PKD2L1: variants seen among roughly 807,000 people sequenced by gnomAD.
PKD2L1 encodes polycystin 2 like 1, transient receptor potential cation channel, also known as polycystin-2-like protein 1.
A neutral mutation model predicts 93.0 loss-of-function variants in PKD2L1; 77 were observed. That is an observed-to-expected ratio of 0.83 (90% CI 0.69 to 1.00). PKD2L1 has a LOEUF of 1.00. Ranked by LOEUF, PKD2L1 falls within the 50% of genes least tolerant of loss-of-function variation. The probability of loss-of-function intolerance (pLI) is 0.00; values close to 1 mark genes in which losing one functional copy is unlikely to be tolerated. For synonymous variants in PKD2L1, 390 were observed against 388.0 expected (o/e 1.01, Z -0.06); for missense variants, 977 against 990.9 (o/e 0.99, Z 0.19).
At chr10:100,306,473 G>A (rs775373757) in intron 2 of PKD2L1, among the ~76,000 whole-genome samples, 6 of 152,122 alleles carry the variant, frequency 3.9e-5, no homozygotes, top group Non-Finnish European at 8.8e-5. Context: ...TCCCACTCCA[G>A]GGGAAAATCA....
chr10:100,289,564 T>A (rs1383373805), intron 14 of PKD2L1, among the ~76,000 whole-genome samples: 1 of 151,330 alleles, frequency 6.6e-6, no homozygotes, highest in Admixed American at 6.6e-5. Flanking sequence ...ATAAATAAAA[T>A]AAAAAAATAA....
intron 4 of PKD2L1, 76 bp from the exon 5 acceptor site, chr10:100,297,682 G>C: frequency 1.0e-6 from 1 of 991,172 alleles, no homozygotes; most frequent in South Asian, 1.4e-5. Context: ...ATCATTGTCT[G>C]GGCTTTACAG....
At chr10:100,298,057 C>G (rs1309457366) in intron 4 of PKD2L1, among the ~76,000 whole-genome samples, 1 of 152,164 alleles carries the variant, frequency 6.6e-6, no homozygotes, top group Admixed American at 6.5e-5. Context: ...GCACATCAGG[C>G]TCCTTCACCC....
rs558666185 is a variant in PKD2L1 at position 100,313,838 on chromosome 10, G to T, written c.350-14120C>A. Among the ~76,000 whole-genome samples the T allele has an allele frequency of 2.0e-5, 3 of 152,190 alleles. No homozygotes were observed. In the South Asian group the frequency reaches 6.2e-4, roughly 32 times the overall value. Reference sequence around the variant, plus strand: ...TAAAGGCCATCCAAGAAGACTTTACGCAGACAGATTTGGTCACCCCAGAGA... The same window carrying T: ...TAAAGGCCATCCAAGAAGACTTTACTCAGACAGATTTGGTCACCCCAGAGA... On this transcript the variant is annotated intron_variant, in intron 2 of 15. Transcript: ENST00000318222.
rs61413476 is a variant in PKD2L1, at chr10:100,306,855, C to CAAAAAAA, written c.350-7144_350-7138dup. On this transcript the variant is annotated intron_variant, in intron 2 of 15. Transcript: ENST00000318222. ...CCTGGGCGAGAGAGTGAGACCCTGT[C>CAAAAAAA]AAAAAAAAAAAAAAAAAAGAAAGAG... Among the ~76,000 whole-genome samples the CAAAAAAA allele has an allele frequency of 9.5e-3, 472 of 49,824 alleles. 54 individuals are homozygous for CAAAAAAA. The highest frequency in any genetic ancestry group is 0.049 in the African/African-American group (425 of 8,688). The allele number at this position is 49,824 out of a possible 152,430, so 32.7% of individuals were successfully genotyped here.
chr10:100,307,936 T>C (rs992477451), intron 2 of PKD2L1, among the ~76,000 whole-genome samples: 3 of 152,172 alleles, frequency 2.0e-5, no homozygotes, highest in African/African-American at 7.2e-5. Context: ...GAGTGGGGAA[T>C]GAGTCAGGAT....
chr10:100,321,965 A>G (rs1849268880), intron 2 of PKD2L1, among the ~76,000 whole-genome samples: 1 of 151,746 alleles, frequency 6.6e-6, no homozygotes, highest in South Asian at 2.1e-4. Context: ...CTGAGAGGCC[A>G]GGCACAGTGG....
chr10:100,326,304 G>A (rs934304337), intron 2 of PKD2L1, among the ~76,000 whole-genome samples: 10 of 152,210 alleles, frequency 6.6e-5, no homozygotes, highest in East Asian at 3.9e-4. Context: ...CAGACTTGTC[G>A]TCTTTTACCA....
intron 2 of PKD2L1, among the ~76,000 whole-genome samples, chr10:100,306,669 C>T (rs997164438): frequency 2.0e-5 from 3 of 151,470 alleles, no homozygotes; most frequent in East Asian, 1.9e-4. Flanking sequence ...GACACCAGCC[C>T]GGGCAACATG....
chr10:100,326,109 T>C (rs1849373479), intron 2 of PKD2L1, among the ~76,000 whole-genome samples: 1 of 152,196 alleles, frequency 6.6e-6, no homozygotes. Flanking sequence ...TACTCAACTT[T>C]CCCAGAGATA....
chr10:100,304,971 T>C (rs1304951184), intron 2 of PKD2L1, among the ~76,000 whole-genome samples: 6 of 152,322 alleles, frequency 3.9e-5, no homozygotes, highest in Non-Finnish European at 8.8e-5. Flanking sequence ...GGGAATATAA[T>C]ACCTTTTAGG....
chr10:100,306,855 C>CAAAAAAAAAAAAAAAAAAAAAAAAA (rs61413476), intron 2 of PKD2L1, among the ~76,000 whole-genome samples: 4 of 49,854 alleles, frequency 8.0e-5, no homozygotes, highest in African/African-American at 4.6e-4. Context: ...GAGACCCTGT[C>CAAAAAAAAAAAAAAAAAAAAAAAAA]AAAAAAAAAA....
At chr10:100,308,390 A>G (rs1848854561) in intron 2 of PKD2L1, among the ~76,000 whole-genome samples, 1 of 151,412 alleles carries the variant, frequency 6.6e-6, no homozygotes. Flanking sequence ...GCTGGAGTGC[A>G]ATGACACCAT....
At position 100,292,961 on chromosome 10, in the gene PKD2L1, TG is replaced by T. The variant is rs748143876; in HGVS notation, c.1866del (p.Asn623ThrfsTer3). ...CTGGTTGCTCACTCCCTTAAGGTGT[TG>T]GTGAAATCCTCAAACTGGATCTCCT... is the stretch of plus-strand genomic sequence containing the variant. ...GEQEIQFEDF[T>X]NTLRELGHAE... is the part of the protein sequence containing the mutation. On this transcript the variant is annotated frameshift_variant, in exon 11 of 16. Coordinates refer to ENST00000318222, the MANE Select transcript of PKD2L1 (RefSeq NM_016112.3). LOFTEE classifies it high-confidence loss of function. 2.5e-6 allele frequency: 4 copies of T among 1,614,082 alleles called. No homozygotes were observed. In the South Asian group the frequency reaches 4.4e-5, roughly 18 times the overall value.
rs950523780 is a variant in PKD2L1, at chr10:100,299,771, C to G, written c.350-53G>C. The G allele has an allele frequency of 5.6e-5, 87 of 1,565,598 alleles. No homozygotes were observed. The Admixed American group carries it at 6.5e-4, about 12-fold the overall frequency. ...CTTCTCACTGTTCCCCCAGAGGAGA[C>G]AGGAAAGCCTATTGCCCTGGAGTCA... On this transcript the variant is annotated intron_variant, in intron 2 of 15. Coordinates refer to ENST00000318222, the MANE Select transcript of PKD2L1 (RefSeq NM_016112.3).
intron 9 of PKD2L1, among the ~76,000 whole-genome samples, chr10:100,294,011 G>A (rs1848464867): frequency 6.6e-6 from 1 of 152,328 alleles, no homozygotes; most frequent in South Asian, 2.1e-4. Context: ...TACTCAGGAA[G>A]CTAAAGTGGG....
intron 2 of PKD2L1, among the ~76,000 whole-genome samples, chr10:100,300,549 G>C (rs1283353778): frequency 6.6e-6 from 1 of 152,202 alleles, no homozygotes; most frequent in Admixed American, 6.5e-5. Context: ...TTATTTAACA[G>C]ATTGTCCTTC....
In PKD2L1 at chr10:100,324,530, T is replaced by G. The variant is rs552669922; in HGVS notation, c.349+4681A>C. Among the ~76,000 whole-genome samples the G allele has an allele frequency of 2.9e-4, 44 of 152,358 alleles. 1 individual carries two copies. Among genetic ancestry groups the G allele is most frequent in the African/African-American group, 1.1e-3 (44 of 41,580 alleles). ...GGCATATAGTTGGAATTACACAGTA[T>G]GTAACCTTTTCAGATTGGCTTCTCT... is the stretch of plus-strand genomic sequence containing the variant. On this transcript the variant is annotated intron_variant, in intron 2 of 15. Transcript: ENST00000318222.
intron 2 of PKD2L1, among the ~76,000 whole-genome samples, chr10:100,315,012 AAGGG>A (rs1564891356): frequency 1.0e-4 from 1 of 9,784 alleles, no homozygotes; most frequent in African/African-American, 6.5e-4. Flanking sequence ...GGAAGGAAGG[AAGGG>A]AAGGGAAGGG....
Sources: allele counts gnomAD v4.1 joint callset (sites outside exome capture counted in the v4.1 genomes callset), GRCh38; gene constraint gnomAD v4.1.1; transcripts MANE v1.5; gene names NCBI Gene and HGNC (gene_info 2026-07-23, HGNC 2026-07-21).